The following COBL variants were observed in gnomAD, a reference collection of about 807,000 sequenced individuals.
COBL encodes the protein cordon-bleu WH2 repeat protein, also known as protein cordon-bleu.
A neutral mutation model predicts 98.8 loss-of-function variants in COBL; 51 were observed. That is an observed-to-expected ratio of 0.52 (90% CI 0.41 to 0.65). The LOEUF (loss-of-function observed/expected upper bound fraction) is 0.65. Ranked by LOEUF, COBL falls within the 30% of genes least tolerant of loss-of-function variation. The pLI, the probability that COBL is intolerant of heterozygous loss-of-function variation, is 0.00. For synonymous variants in COBL, 634 were observed against 651.7 expected (o/e 0.97, Z 0.41); for missense variants, 1,617 against 1,617.5 (o/e 1.00, Z 0.01).
chr7:51,287,367 T>G (rs1025116630), intron 1 of COBL, among the ~76,000 whole-genome samples: 4 of 152,108 alleles, frequency 2.6e-5, no homozygotes, highest in African/African-American at 9.7e-5. Context: ...ATATGGATGG[T>G]AAATAAACAC....
intron 7 of COBL, among the ~76,000 whole-genome samples, chr7:51,081,739 C>A (rs1471025456): frequency 6.6e-6 from 1 of 152,158 alleles, no homozygotes. Context: ...AGCTTTCATC[C>A]AGCTATCTTT....
chr7:51,276,713 A>G (rs1799343287), intron 1 of COBL, among the ~76,000 whole-genome samples: 1 of 152,132 alleles, frequency 6.6e-6, no homozygotes, highest in South Asian at 2.1e-4. Context: ...CAAAGGGGAG[A>G]TGTGAACAGG....
intron 7 of COBL, among the ~76,000 whole-genome samples, chr7:51,063,141 T>C (rs1307915433): frequency 1.6e-4 from 23 of 143,316 alleles, no homozygotes; most frequent in African/African-American, 3.1e-4. Flanking sequence ...TCTCTCTCTT[T>C]TTTTTTTTTT....
intron 1 of COBL, among the ~76,000 whole-genome samples, chr7:51,288,774 T>TA (rs201854070): frequency 6.9e-6 from 1 of 145,660 alleles, no homozygotes; most frequent in African/African-American, 2.6e-5. Flanking sequence ...AATAAATAAA[T>TA]AATAATTTTA....
At chr7:51,284,129 C>CAAAAAAAAAAAAAAAAAAAAA (rs71021763) in intron 1 of COBL, among the ~76,000 whole-genome samples, 1 of 66,246 alleles carries the variant, frequency 1.5e-5, no homozygotes, top group Non-Finnish European at 2.6e-5. Flanking sequence ...ACCAAAAATA[C>CAAAAAAAAAAAAAAAAAAAAA]AAAAAAAAAA....
chr7:51,081,260 G>A (rs936142938), intron 7 of COBL, among the ~76,000 whole-genome samples: 2 of 152,222 alleles, frequency 1.3e-5, no homozygotes, highest in African/African-American at 4.8e-5. Context: ...GTGGGCATGA[G>A]AGGGGAAGAG....
intron 5 of COBL, among the ~76,000 whole-genome samples, chr7:51,175,195 AGGTATTGGCAGTTTT>A (rs1788252293): frequency 6.6e-6 from 1 of 152,260 alleles, no homozygotes; most frequent in Non-Finnish European, 1.5e-5. Context: ...AGGTAGGTCA[AGGTATTGGCAGTTTT>A]GCACTGCTGA....
intron 6 of COBL, among the ~76,000 whole-genome samples, chr7:51,107,101 T>G (rs55971917): frequency 0.069 from 10,045 of 145,534 alleles, 457 homozygotes; most frequent in Middle Eastern, 0.16. Context: ...TGTTTTTTTT[T>G]TTTTTTTTTT....
rs1387283911 is a variant in COBL, at chr7:51,082,975, A to G, written c.1096+2191T>C. ...ACACACATCCAAAGACAAGAATGGA[A>G]AATCTGGAAACCCAGCCCTGACATC... On this transcript the variant is annotated intron_variant, in intron 7 of 12. Coordinates refer to ENST00000265136, the MANE Select transcript of COBL (RefSeq NM_015198.5). 3.0e-6 allele frequency: 4 copies of G among 1,342,362 alleles called. No individual in the cohort carries two copies. In the East Asian group the frequency reaches 1.0e-4, roughly 34 times the overall value. The allele number at this position is 1,342,362 out of a possible 1,614,324, so 83.2% of individuals were successfully genotyped here. A position where few individuals can be genotyped will look rare whatever the true frequency, so the allele number is the denominator to read the frequency against.
At chr7:51,082,295 CA>C in intron 7 of COBL, among the ~76,000 whole-genome samples, 1 of 152,332 alleles carries the variant, frequency 6.6e-6, no homozygotes, top group African/African-American at 2.4e-5. Flanking sequence ...CTTGCTTTAT[CA>C]GAAGTGTCGC....
chr7:51,238,307 G>A (rs967268591), intron 1 of COBL, among the ~76,000 whole-genome samples: 1 of 152,184 alleles, frequency 6.6e-6, no homozygotes, highest in Admixed American at 6.5e-5. Context: ...AGGATGGCTA[G>A]GCCACTCCGG....
intron 6 of COBL, among the ~76,000 whole-genome samples, chr7:51,098,224 C>CTTTTT (rs551768231): frequency 0.1 from 10,230 of 100,796 alleles, 1,705 homozygotes; most frequent in Middle Eastern, 0.23. Context: ...ATAGCAGTTT[C>CTTTTT]TTTTTTTTTT....
intron 1 of COBL, among the ~76,000 whole-genome samples, chr7:51,284,484 A>T (rs1800129011): frequency 6.6e-6 from 1 of 151,774 alleles, no homozygotes; most frequent in South Asian, 2.1e-4. Context: ...CAGTATCAAC[A>T]AGTCTCAGTA....
At chr7:51,024,647 G>C (rs1040791378) in intron 12 of COBL, among the ~76,000 whole-genome samples, 5 of 140,826 alleles carry the variant, frequency 3.6e-5, no homozygotes, top group African/African-American at 1.5e-4. Flanking sequence ...ATGCAAGCAT[G>C]TACGAGTGAA....
intron 5 of COBL, among the ~76,000 whole-genome samples, chr7:51,182,820 A>G (rs1789117822): frequency 6.6e-6 from 1 of 152,196 alleles, no homozygotes; most frequent in African/African-American, 2.4e-5. Flanking sequence ...TCTCTTAAGT[A>G]CAAGAGAATC....
At chr7:51,045,726 C>T (rs1452277160) in intron 7 of COBL, among the ~76,000 whole-genome samples, 1 of 152,192 alleles carries the variant, frequency 6.6e-6, no homozygotes, top group Non-Finnish European at 1.5e-5. Flanking sequence ...AACCCACCTC[C>T]ACCCCTTCTC....
intron 6 of COBL, among the ~76,000 whole-genome samples, chr7:51,097,337 G>C (rs981182743): frequency 6.6e-6 from 1 of 152,114 alleles, no homozygotes; most frequent in Non-Finnish European, 1.5e-5. Context: ...TCCCACAGCT[G>C]ACATCATACT....
chr7:51,094,193 A>G lies in COBL; in HGVS notation c.958-8889T>C, dbSNP rs377139349. Among the ~76,000 whole-genome samples the G allele has an allele frequency of 4.5e-4, 68 of 152,126 alleles. 3 individuals carry two copies. In the South Asian group the frequency reaches 0.014, roughly 31 times the overall value. The stretch of plus-strand genomic sequence containing the variant: ...CTAAAACAGTTGATCTCATAGAAAC[A>G]TAATAGAAAGGTGGCAACCAGAAGC... On this transcript the variant is annotated intron_variant, in intron 6 of 12. Coordinates refer to ENST00000265136, the MANE Select transcript of COBL (RefSeq NM_015198.5).
At chr7:51,023,414 A>G (rs559462229) in intron 12 of COBL, among the ~76,000 whole-genome samples, 2 of 152,312 alleles carry the variant, frequency 1.3e-5, no homozygotes, top group South Asian at 2.1e-4. Context: ...TGTGCATTCA[A>G]TGATGACTGG....
Sources: allele counts gnomAD v4.1 joint callset (sites outside exome capture counted in the v4.1 genomes callset), GRCh38; gene constraint gnomAD v4.1.1; transcripts MANE v1.5; gene names NCBI Gene and HGNC (gene_info 2026-07-23, HGNC 2026-07-21).